TSHZ2: variants seen among roughly 807,000 people sequenced by gnomAD.
TSHZ2 encodes the protein teashirt zinc finger homeobox 2, also known as teashirt homolog 2.
Under a neutral mutation model 74.4 loss-of-function variants are expected in TSHZ2, and 21 were observed. The observed-to-expected ratio is 0.28, with a 90% CI of 0.20 to 0.41. The LOEUF (loss-of-function observed/expected upper bound fraction) is 0.41. TSHZ2 is among the 10% of genes least tolerant of loss of function. The pLI, the probability that TSHZ2 is intolerant of heterozygous loss-of-function variation, is 1.00. For missense variants in TSHZ2, 1,244 were observed against 1,293.5 expected, an observed-to-expected ratio of 0.96 and a Z score of 0.59; for synonymous variants, 540 against 515.3, an observed-to-expected ratio of 1.05 and a Z score of -0.65.
At chr20:53,097,519 A>G (rs1804058662) in intron 1 of TSHZ2, 1 of 152,234 alleles carries the variant, frequency 6.6e-6, no homozygotes, top group African/African-American at 2.4e-5. Context: ...AATCTGGCCC[A>G]GGGGATCCAT....
At chr20:53,266,317 A>C (rs1413329175) in intron 2 of TSHZ2, among the ~76,000 whole-genome samples, 1 of 152,154 alleles carries the variant, frequency 6.6e-6, no homozygotes, top group Non-Finnish European at 1.5e-5. Context: ...TTCTGGAAAC[A>C]AGAAGTTCAA....
intron 2 of TSHZ2, among the ~76,000 whole-genome samples, chr20:53,338,144 C>T (rs1980031920): frequency 6.6e-6 from 1 of 152,258 alleles, no homozygotes; most frequent in African/African-American, 2.4e-5. Flanking sequence ...CGCAGGCATT[C>T]ACCAGCCATG....
intron 1 of TSHZ2, among the ~76,000 whole-genome samples, chr20:53,070,078 A>G (rs183696721): frequency 8.5e-5 from 13 of 152,338 alleles, no homozygotes; most frequent in Admixed American, 8.5e-4. Context: ...GTTGAAATTC[A>G]GTCATCTTAT....
At chr20:53,372,461 A>C (rs1981510752) in intron 2 of TSHZ2, among the ~76,000 whole-genome samples, 1 of 152,126 alleles carries the variant, frequency 6.6e-6, no homozygotes, top group South Asian at 2.1e-4. Context: ...TGGGTGACAG[A>C]GTGAGATCTT....
At chr20:53,071,679 A>C (rs1416435486) in intron 1 of TSHZ2, among the ~76,000 whole-genome samples, 2 of 152,064 alleles carry the variant, frequency 1.3e-5, no homozygotes, top group Non-Finnish European at 1.5e-5. Context: ...GGGTCGGGAG[A>C]ACCCAGAGCT....
chr20:53,448,484 A>C (rs1047617248), intron 2 of TSHZ2, among the ~76,000 whole-genome samples: 9 of 152,168 alleles, frequency 5.9e-5, no homozygotes, highest in African/African-American at 2.2e-4. Flanking sequence ...GATAAGACAA[A>C]TGTAACTTTC....
rs190087323 is a variant in TSHZ2 at position 53,046,763 on chromosome 20, C to T, written c.40+73430C>T. ...CCCCATGACCTTAAACAAGTCTGTG[C>T]CCCCTCAAAACTTCTGTTACCTGTC... is the stretch of plus-strand genomic sequence containing the variant. On this transcript the variant is annotated intron_variant, in intron 1 of 2. Transcript: ENST00000371497. 2.2e-4 allele frequency among the ~76,000 whole-genome samples: 34 copies of T among 152,258 alleles called. 1 individual carries two copies. In the East Asian group the frequency reaches 6.4e-3, roughly 29 times the overall value.
At chr20:53,288,909 A>G (rs1991225584) in intron 2 of TSHZ2, among the ~76,000 whole-genome samples, 1 of 152,092 alleles carries the variant, frequency 6.6e-6, no homozygotes, top group Non-Finnish European at 1.5e-5. Context: ...ATTTCAGTGC[A>G]CCCATCACCT....
chr20:53,062,905 T>G (rs887622239), intron 1 of TSHZ2, among the ~76,000 whole-genome samples: 1 of 152,188 alleles, frequency 6.6e-6, no homozygotes, highest in Non-Finnish European at 1.5e-5. Flanking sequence ...GAGAGATGTG[T>G]GCCTCTGCTT....
intron 1 of TSHZ2, among the ~76,000 whole-genome samples, chr20:52,989,366 G>A (rs1039176130): frequency 1.3e-5 from 2 of 152,012 alleles, no homozygotes; most frequent in African/African-American, 2.4e-5. Flanking sequence ...CTGTTTTATT[G>A]TCTTTAACAT....
In TSHZ2 at chr20:53,255,172, A is replaced by G. The variant is rs148033386; in HGVS notation, c.1714A>G (p.Thr572Ala). 673 of 1,613,990 alleles carry G rather than the reference A, an allele frequency of 4.2e-4. No homozygotes were observed. In the African/African-American group the frequency reaches 4.8e-3, roughly 12 times the overall value. ...GGTACTGCAGATCCGGCCTAATCTC[A>G]CCAACAAGCTGAGGCCCATTGCACC... is the stretch of plus-strand genomic sequence containing the variant. ...SQVLQIRPNL[T>A]NKLRPIAPKW... The change falls in exon 2 of 3, where the codon ACC becomes GCC. Residue 572 changes from threonine (T) to alanine (A), a missense_variant. Thr to Ala is a moderately conservative substitution (Grantham distance 58). Transcript: ENST00000371497. This position sits in a 1 kb window ranked among gnomAD's most constrained non-coding sequence, Gnocchi z 4.1.
At chr20:53,320,534 A>G (rs187629595) in intron 2 of TSHZ2, among the ~76,000 whole-genome samples, 23 of 152,326 alleles carry the variant, frequency 1.5e-4, no homozygotes, top group African/African-American at 4.8e-4. Flanking sequence ...GAGCACTATA[A>G]CAATGAAAAT....
chr20:53,134,728 C>T (rs1003258473), intron 1 of TSHZ2, among the ~76,000 whole-genome samples: 8 of 152,254 alleles, frequency 5.3e-5, no homozygotes, highest in Non-Finnish European at 1.0e-4. Context: ...TACATAATTA[C>T]GATCACATTA....
At chr20:53,007,758 T>TG (rs1982700285) in intron 1 of TSHZ2, among the ~76,000 whole-genome samples, 10 of 142,340 alleles carry the variant, frequency 7.0e-5, no homozygotes, top group Admixed American at 7.0e-4. Flanking sequence ...GTGTGTGTGT[T>TG]TGTATTTCTG....
At chr20:53,207,122 G>A (rs1168276670) in intron 1 of TSHZ2, among the ~76,000 whole-genome samples, 1 of 152,120 alleles carries the variant, frequency 6.6e-6, no homozygotes, top group African/African-American at 2.4e-5. Flanking sequence ...GCAGTTCAGA[G>A]GGATAATGAT....
chr20:53,048,683 G>A (rs1984319651), intron 1 of TSHZ2, among the ~76,000 whole-genome samples: 3 of 152,188 alleles, frequency 2.0e-5, no homozygotes, highest in Admixed American at 2.0e-4. Flanking sequence ...TCTGCAAAGT[G>A]AGAACTCAAG....
chr20:53,359,792 C>T (rs1363524356), intron 2 of TSHZ2, among the ~76,000 whole-genome samples: 3 of 152,152 alleles, frequency 2.0e-5, no homozygotes, highest in Non-Finnish European at 4.4e-5. Context: ...AGGAGTCAGA[C>T]CGTGGAGGGC....
chr20:53,425,686 A>T (rs1191067927), intron 2 of TSHZ2, among the ~76,000 whole-genome samples: 1 of 152,236 alleles, frequency 6.6e-6, no homozygotes, highest in Non-Finnish European at 1.5e-5. Flanking sequence ...CCATTATAGC[A>T]TGAAAACAGC....
At chr20:53,405,248 C>CAAAAAAAAAAAAAAAAA (rs796097312) in intron 2 of TSHZ2, among the ~76,000 whole-genome samples, 1 of 143,338 alleles carries the variant, frequency 7.0e-6, no homozygotes, top group African/African-American at 2.8e-5. Flanking sequence ...GACTCTGTCT[C>CAAAAAAAAAAAAAAAAA]AAAAAAAAAA....
Sources: allele counts gnomAD v4.1 joint callset (sites outside exome capture counted in the v4.1 genomes callset), GRCh38; gene constraint gnomAD v4.1.1; non-coding constraint Gnocchi (gnomAD v3.1); transcripts MANE v1.5; gene names NCBI Gene and HGNC (gene_info 2026-07-23, HGNC 2026-07-21).